PCDH11X: variants seen among roughly 807,000 people sequenced by gnomAD.
PCDH11X encodes the protein protocadherin 11 X-linked, also known as protocadherin-11 X-linked.
A neutral mutation model predicts 53.3 loss-of-function variants in PCDH11X; 18 were observed. That is an observed-to-expected ratio of 0.34 (90% CI 0.23 to 0.50). The LOEUF is 0.50. Ranked by LOEUF, PCDH11X falls within the 20% of genes least tolerant of loss-of-function variation. The pLI, the probability that PCDH11X is intolerant of heterozygous loss-of-function variation, is 0.98. For missense variants in PCDH11X, 570 were observed against 1,032.4 expected (o/e 0.55, Z 6.14); for synonymous variants, 279 against 393.3 (o/e 0.71, Z 3.44).
chrX:92,587,658 C>T (rs1327343257), intron 10 of PCDH11X, among the ~76,000 whole-genome samples: 3 of 109,614 alleles, frequency 2.7e-5, no homozygotes. Flanking sequence ...TTTCGATATA[C>T]TGTAATTTTT....
chrX:92,195,020 A>G (rs1307477748), intron 6 of PCDH11X, among the ~76,000 whole-genome samples: 2 of 111,590 alleles, frequency 1.8e-5, no homozygotes, highest in East Asian at 5.6e-4. Context: ...GCTGAGATTT[A>G]AGGAGACTCT....
intron 5 of PCDH11X, among the ~76,000 whole-genome samples, chrX:91,844,730 A>G (rs1937593257): frequency 9.5e-6 from 1 of 105,638 alleles, no homozygotes; most frequent in Non-Finnish European, 1.9e-5. Context: ...CCTTTCCTGG[A>G]TGCTAGTATG....
At chrX:92,407,433 C>T (rs1420955208) in intron 9 of PCDH11X, among the ~76,000 whole-genome samples, 1 of 108,062 alleles carries the variant, frequency 9.3e-6, no homozygotes, top group Admixed American at 1.0e-4. Flanking sequence ...CTCAACATCC[C>T]ATAGCCATTT....
intron 7 of PCDH11X, among the ~76,000 whole-genome samples, chrX:92,230,694 G>T (rs1451917288): frequency 9.8e-6 from 1 of 102,241 alleles, no homozygotes; most frequent in African/African-American, 3.6e-5. Context: ...TTATTAGAGT[G>T]ACCAATGGAG....
intron 10 of PCDH11X, among the ~76,000 whole-genome samples, chrX:92,469,853 G>GT (rs149166414): frequency 0.15 from 16,459 of 107,438 alleles, 1,040 homozygotes; most frequent in Non-Finnish European, 0.2. Flanking sequence ...CTCCAGTGTA[G>GT]TTTTTTTTTG....
chrX:91,808,808 T>C (rs12858374), intron 1 of PCDH11X, among the ~76,000 whole-genome samples: 34,940 of 109,694 alleles, frequency 0.32, 4,860 homozygotes, highest in African/African-American at 0.51. Flanking sequence ...GGTAGCTGTC[T>C]TAAACTTTAG....
At position 92,352,643 on chromosome X, in the gene PCDH11X, A is replaced by T. The variant is rs764051213; in HGVS notation, c.3145-35092A>T. ...GTCAGAGGGAAGATCTGGGGCTCAA[A>T]GTTGCTGTTCAGATTCTTTTGCCTC... On this transcript the variant is annotated intron_variant, in intron 8 of 10. Transcript: ENST00000682573. 7.2e-5 allele frequency among the ~76,000 whole-genome samples: 8 copies of T among 110,450 alleles called. No homozygotes were observed. The East Asian group carries it at 2.3e-3, about 32-fold the overall frequency.
At chrX:92,359,424 G>C (rs1290106856) in intron 8 of PCDH11X, among the ~76,000 whole-genome samples, 1 of 107,465 alleles carries the variant, frequency 9.3e-6, no homozygotes, top group Admixed American at 1.0e-4. Context: ...TGCACACAAT[G>C]AACAGCTTGG....
chrX:92,560,560 A>G (rs2075116904), intron 10 of PCDH11X, among the ~76,000 whole-genome samples: 1 of 107,626 alleles, frequency 9.3e-6, no homozygotes, highest in South Asian at 4.1e-4. Flanking sequence ...CAAAGGGAAG[A>G]CCACTGCCCT....
intron 8 of PCDH11X, among the ~76,000 whole-genome samples, chrX:92,333,132 A>G (rs954645838): frequency 1.8e-5 from 2 of 108,937 alleles, no homozygotes; most frequent in Admixed American, 2.0e-4. Flanking sequence ...CACACCATGA[A>G]GTGACAATAA....
intron 8 of PCDH11X, among the ~76,000 whole-genome samples, chrX:92,280,758 A>T (rs1254487870): frequency 1.8e-5 from 2 of 109,834 alleles, no homozygotes; most frequent in African/African-American, 6.6e-5. Context: ...AAATCCTTTG[A>T]AGCATAATGT....
intron 7 of PCDH11X, among the ~76,000 whole-genome samples, chrX:92,248,626 T>G (rs1261144620): frequency 8.9e-6 from 1 of 111,858 alleles, no homozygotes; most frequent in Non-Finnish European, 1.9e-5. Context: ...TAATAAATTA[T>G]TATTAACTAT....
intron 5 of PCDH11X, among the ~76,000 whole-genome samples, chrX:91,849,536 G>C (rs1465927369): frequency 9.3e-6 from 1 of 107,302 alleles, no homozygotes; most frequent in Non-Finnish European, 1.9e-5. Context: ...CTACTTGGCA[G>C]TTTGCCAAAT....
chrX:92,497,743 G>T (rs188250359), intron 10 of PCDH11X, among the ~76,000 whole-genome samples: 37 of 110,338 alleles, frequency 3.4e-4, no homozygotes, highest in Admixed American at 3.1e-3. Context: ...GTTATTTTCT[G>T]ATCTATCACT....
intron 10 of PCDH11X, among the ~76,000 whole-genome samples, chrX:92,600,122 T>C (rs1164069305): frequency 4.7e-5 from 5 of 105,705 alleles, no homozygotes; most frequent in Non-Finnish European, 9.6e-5. Context: ...GAGCAGAGCA[T>C]AAAAGTTTGG....
chrX:92,088,911 T>G (rs2759955), intron 6 of PCDH11X, among the ~76,000 whole-genome samples: 1,329 of 109,321 alleles, frequency 0.012, 31 homozygotes, highest in African/African-American at 0.044. Context: ...TCAGGTAGCA[T>G]AAAAGAAGAA....
At chrX:91,914,200 G>T (rs191857045) in intron 6 of PCDH11X, among the ~76,000 whole-genome samples, 1,887 of 110,487 alleles carry the variant, frequency 0.017, 66 homozygotes, top group Admixed American at 0.11. Flanking sequence ...CTAGGGGAAG[G>T]GGGAGAGCAC....
intron 10 of PCDH11X, among the ~76,000 whole-genome samples, chrX:92,589,994 G>A (rs1409045553): frequency 1.8e-5 from 2 of 109,974 alleles, no homozygotes; most frequent in African/African-American, 6.6e-5. Context: ...CACCACTATT[G>A]TAGATTGGCC....
At position 92,065,796 on chromosome X, in the gene PCDH11X, C is replaced by T. The variant is rs752451197; in HGVS notation, c.3034-135579C>T. 3.7e-5 allele frequency among the ~76,000 whole-genome samples: 4 copies of T among 107,413 alleles called. No homozygotes were observed. In the East Asian group the frequency reaches 9.0e-4, roughly 24 times the overall value. The allele number at this position is 107,413 out of a possible 115,157, so 93.3% of individuals were successfully genotyped here. ...ATGGATAGTTTCCAAATAGTTTCTC[C>T]CTTTCTCTGGGCTGTCTCCTCACTT... On this transcript the variant is annotated intron_variant, in intron 6 of 10. Transcript: ENST00000682573.
Sources: gnomAD v4.1 joint callset for allele counts (sites outside exome capture counted in the v4.1 genomes callset) on GRCh38, gnomAD v4.1.1 for gene constraint, MANE v1.5 for transcripts, NCBI Gene and HGNC (gene_info 2026-07-23, HGNC 2026-07-21) for gene names.